The following MRAS variants were observed in gnomAD, a reference collection of about 807,000 sequenced individuals.
MRAS encodes the protein muscle RAS oncogene homolog, also known as ras-related protein M-Ras.
In MRAS, 4 loss-of-function variants were observed where a neutral mutation model predicts 20.9. The ratio of observed to expected loss-of-function variants is 0.19; its 90% CI spans 0.09 to 0.44. MRAS has a LOEUF of 0.44. Ranked by LOEUF, MRAS falls within the 20% of genes least tolerant of loss-of-function variation. MRAS has a pLI of 0.99. For missense variants in MRAS, 154 were observed against 277.5 expected, an observed-to-expected ratio of 0.56 and a Z score of 3.16; for synonymous variants, 98 against 102.9, an observed-to-expected ratio of 0.95 and a Z score of 0.29.
intron 2 of MRAS, among the ~76,000 whole-genome samples, chr3:138,395,326 C>T (rs556745322): frequency 5.3e-5 from 8 of 152,134 alleles, no homozygotes; most frequent in South Asian, 4.1e-4. Flanking sequence ...CATGAGCCAC[C>T]GCGCCTGGCC....
chr3:138,380,313 A>ACTTT (rs201399015), intron 2 of MRAS, among the ~76,000 whole-genome samples: 1 of 138,636 alleles, frequency 7.2e-6, no homozygotes, highest in African/African-American at 2.9e-5. Flanking sequence ...CCACCATTCT[A>ACTTT]CTTTCTTTTT....
chr3:138,347,855 AGT>A (rs1436647784), upstream of MRAS: 2 of 152,324 alleles, frequency 1.3e-5, no homozygotes, highest in African/African-American at 2.4e-5. Flanking sequence ...GGCCTCCCAA[AGT>A]GTTAGGATTA....
At chr3:138,385,510 T>A (rs1029041816) in intron 2 of MRAS, among the ~76,000 whole-genome samples, 39 of 150,568 alleles carry the variant, frequency 2.6e-4, no homozygotes, top group African/African-American at 9.2e-4. Flanking sequence ...ATATATTTAT[T>A]TATTTATTTA....
At chr3:138,350,781 GTC>G (rs1256915582) in intron 1 of MRAS, among the ~76,000 whole-genome samples, 1 of 151,834 alleles carries the variant, frequency 6.6e-6, no homozygotes, top group Non-Finnish European at 1.5e-5. Context: ...GTGAAACTCC[GTC>G]TCTACAAAAA....
At chr3:138,400,421 T>G (rs1192979855) in intron 4 of MRAS, 113 bp from the exon 5 acceptor site, 28 of 867,306 alleles carry the variant, frequency 3.2e-5, no homozygotes, top group Non-Finnish European at 5.0e-5. Flanking sequence ...GGGGCTTCTG[T>G]GGGGGGTTTT....
rs577369951 is a variant in MRAS at position 138,378,683 on chromosome 3, C to T, written c.193+5607C>T. Among the ~76,000 whole-genome samples the T allele has an allele frequency of 5.3e-5, 8 of 152,298 alleles. No homozygotes were observed. The East Asian group carries it at 1.2e-3, about 22-fold the overall frequency. ...CATGAATCAGGAAGCCCCAAACCTT[C>T]GGCAGAGCCATAGAGTTTTGTGTTT... On this transcript the variant is annotated intron_variant, in intron 2 of 5. Coordinates refer to ENST00000423968, the MANE Select transcript of MRAS (RefSeq NM_001085049.3).
At chr3:138,370,223 G>A (rs148663143) in intron 1 of MRAS, among the ~76,000 whole-genome samples, 2,030 of 152,318 alleles carry the variant, frequency 0.013, 22 homozygotes, top group Non-Finnish European at 0.019. Context: ...GGAGGCTAAG[G>A]CAGGAGAATC....
chr3:138,400,596 C>T lies in MRAS; in HGVS notation c.510C>T (p.Asp170=), dbSNP rs765822649. The change falls in exon 5 of 6, where the codon GAC becomes GAT. Residue 170 remains aspartate (D), a synonymous_variant. Transcript: ENST00000423968. Reference sequence around the variant, plus strand: ...TCAATGTCGACAAAGCCTTCCATGACCTCGTTAGAGTAATTAGGTGAGCAC... The same window carrying T: ...TCAATGTCGACAAAGCCTTCCATGATCTCGTTAGAGTAATTAGGTGAGCAC... ...PPLNVDKAFH[D]LVRVIRQQIP... is the part of the protein sequence containing the mutation. 3.1e-6 allele frequency: 5 copies of T among 1,612,418 alleles called. No homozygotes were observed. The highest frequency in any genetic ancestry group is 4.2e-6 in the Non-Finnish European group (5 of 1,178,568).
At chr3:138,371,900 TCTC>T (rs1219903104) in intron 1 of MRAS, among the ~76,000 whole-genome samples, 1 of 152,092 alleles carries the variant, frequency 6.6e-6, no homozygotes, top group Non-Finnish European at 1.5e-5. Context: ...CCCTCCTGCC[TCTC>T]CTCCTTGTCA....
At chr3:138,385,740 C>A (rs1043631827) in intron 2 of MRAS, among the ~76,000 whole-genome samples, 1 of 152,090 alleles carries the variant, frequency 6.6e-6, no homozygotes, top group African/African-American at 2.4e-5. Flanking sequence ...GTCTCGAACT[C>A]CTGACCTCAG....
intron 1 of MRAS, among the ~76,000 whole-genome samples, chr3:138,371,604 T>C (rs1012219341): frequency 4.6e-5 from 7 of 152,158 alleles, no homozygotes; most frequent in African/African-American, 1.7e-4. Context: ...AGGGATTCTT[T>C]CTTTTCTTCT....
At chr3:138,401,859 C>G (rs1037837423) in intron 5 of MRAS, among the ~76,000 whole-genome samples, 1 of 152,186 alleles carries the variant, frequency 6.6e-6, no homozygotes, top group African/African-American at 2.4e-5. Context: ...TAAGACAAAA[C>G]GTGATGTAGC....
Position 138,348,723 on chromosome 3 carries a change from G to A in MRAS, c.-63G>A, listed in dbSNP as rs1021688107. ...GCCTCCTCACCGGCGCAGGCTAGGAGGGGGCGGCCTGAGTGCCGTAGCCGA... is the reference window on the plus strand; with the variant it reads ...GCCTCCTCACCGGCGCAGGCTAGGAAGGGGCGGCCTGAGTGCCGTAGCCGA... On this transcript the variant is annotated 5_prime_UTR_variant, in exon 1 of 6. Coordinates refer to ENST00000423968, the MANE Select transcript of MRAS (RefSeq NM_001085049.3). 2.0e-5 allele frequency: 3 copies of A among 151,706 alleles called. No homozygotes were observed. The highest frequency in any genetic ancestry group is 4.4e-5 in the Non-Finnish European group (3 of 67,914). The allele number at this position is 151,706 out of a possible 1,614,324, so 9.4% of individuals were successfully genotyped here. A position where few individuals can be genotyped will look rare whatever the true frequency, so the allele number is the denominator to read the frequency against.
At chr3:138,380,508 T>TA (rs1553800647) in intron 2 of MRAS, among the ~76,000 whole-genome samples, 1 of 151,762 alleles carries the variant, frequency 6.6e-6, no homozygotes, top group Admixed American at 6.6e-5. Context: ...GGATGGGGTT[T>TA]CCGTGTTGGC....
intron 1 of MRAS, chr3:138,350,057 T>C (rs956123196): frequency 2.6e-5 from 4 of 152,214 alleles, no homozygotes; most frequent in African/African-American, 7.2e-5. Context: ...TTTTGTAATA[T>C]ATTGTTTTAT....
chr3:138,374,786 A>G (rs2054749210), intron 2 of MRAS, among the ~76,000 whole-genome samples: 2 of 152,240 alleles, frequency 1.3e-5, no homozygotes, highest in Non-Finnish European at 1.5e-5. Context: ...TTTATCAGGC[A>G]TGGATGTTGG....
chr3:138,372,143 T>G (rs947492043), intron 1 of MRAS, among the ~76,000 whole-genome samples: 4 of 152,056 alleles, frequency 2.6e-5, no homozygotes, highest in African/African-American at 9.7e-5. Flanking sequence ...CCACTCCATT[T>G]TGACAACAAA....
At chr3:138,359,625 C>T (rs2054404729) in intron 1 of MRAS, among the ~76,000 whole-genome samples, 1 of 152,162 alleles carries the variant, frequency 6.6e-6, no homozygotes, top group African/African-American at 2.4e-5. Flanking sequence ...TTTTGGCCTC[C>T]ACCTCTCTGG....
intron 1 of MRAS, among the ~76,000 whole-genome samples, chr3:138,372,334 G>GA (rs544395031): frequency 2.0e-3 from 301 of 152,282 alleles, no homozygotes; most frequent in Non-Finnish European, 3.6e-3. Flanking sequence ...GAAGCAGAGA[G>GA]AAAGGAGCCA....
Sources: gnomAD v4.1 joint callset for allele counts (sites outside exome capture counted in the v4.1 genomes callset) on GRCh38, gnomAD v4.1.1 for gene constraint, MANE v1.5 for transcripts, NCBI Gene and HGNC (gene_info 2026-07-23, HGNC 2026-07-21) for gene names.